The following STKLD1 variants were observed in gnomAD, a reference collection of about 807,000 sequenced individuals.
STKLD1 encodes the protein serine/threonine kinase like domain containing 1, also known as serine/threonine kinase-like domain-containing protein STKLD1.
Under a neutral mutation model 80.4 loss-of-function variants are expected in STKLD1, and 79 were observed. That is an observed-to-expected ratio of 0.98 (90% confidence interval 0.82 to 1.19). The LOEUF (loss-of-function observed/expected upper bound fraction) is 1.19. STKLD1 is among the 50% of genes most tolerant of loss of function. The pLI, the probability that STKLD1 is intolerant of heterozygous loss-of-function variation, is 0.00. For synonymous variants in STKLD1, 393 were observed against 357.6 expected (o/e 1.10, Z -1.12); for missense variants, 841 against 856.0 (o/e 0.98, Z 0.22).
chr9:133,376,850 G>T (rs1837976909), intron 1 of STKLD1, among the ~76,000 whole-genome samples: 1 of 152,132 alleles, frequency 6.6e-6, no homozygotes, highest in South Asian at 2.1e-4. Context: ...TGTGCGCTTG[G>T]GTCCACCGAG....
rs1261241866 is a variant in STKLD1 at position 133,390,287 on chromosome 9, T to C, written c.468-394T>C. On this transcript the variant is annotated intron_variant, in intron 6 of 17. Coordinates refer to ENST00000371957, the MANE Select transcript of STKLD1 (RefSeq NM_153710.5). The surrounding 1 kb of genome is among the most constrained non-coding windows in gnomAD (Gnocchi z 5.1). ...CATACGTACAAAGGGAATGCTCACA[T>C]TCCACATCCAGTGTTCATGTCACTA... Among the ~76,000 whole-genome samples, 1 of 148,074 alleles carries C rather than the reference T, an allele frequency of 6.8e-6. No individual in the cohort carries two copies. Among genetic ancestry groups the C allele is most frequent in the African/African-American group, 2.5e-5 (1 of 39,928 alleles).
chr9:133,400,236 C>T (rs923439089), intron 11 of STKLD1, among the ~76,000 whole-genome samples, 177 bp from the exon 12 acceptor site: 6 of 152,316 alleles, frequency 3.9e-5, no homozygotes, highest in Admixed American at 2.0e-4. Flanking sequence ...GCAGGACACC[C>T]GTGGCAGACA....
rs2130279984 is a variant in STKLD1, at chr9:133,387,559, T to C, written c.396+11T>C. 1 of 1,610,766 alleles carries C rather than the reference T, an allele frequency of 6.2e-7. No homozygotes were observed. The highest frequency in any genetic ancestry group is 2.2e-5 in the East Asian group (1 of 44,860). Reference sequence around the variant, plus strand: ...ATCATTGACTCTGAGGTGAGGTCCTTTGGGGCACCAGGCCTGGGGGCCACC... The same window carrying C: ...ATCATTGACTCTGAGGTGAGGTCCTCTGGGGCACCAGGCCTGGGGGCCACC... On this transcript the variant is annotated intron_variant, in intron 5 of 17. Coordinates refer to ENST00000371957, the MANE Select transcript of STKLD1 (RefSeq NM_153710.5).
chr9:133,385,643 C>T lies in STKLD1; in HGVS notation c.246C>T (p.His82=), dbSNP rs2130275046. The T allele has an allele frequency of 6.9e-5, 111 of 1,613,222 alleles. No homozygotes were observed. The highest frequency in any genetic ancestry group is 2.4e-4 in the African/African-American group (18 of 74,938). The change falls in exon 4 of 18, where the codon CAC becomes CAT. Residue 82 remains histidine (H), a synonymous_variant. Coordinates refer to ENST00000371957, the MANE Select transcript of STKLD1 (RefSeq NM_153710.5). The surrounding 1 kb of genome is among the most constrained non-coding windows in gnomAD (Gnocchi z 4.9). ...TGATGCCACTGCTGAAGCTGCGGCA[C>T]GCCCACATCTCTGTGTACCAGGAGC... The part of the protein sequence containing the change: ...EELMPLLKLR[H]AHISVYQELF...
At chr9:133,377,895 T>C (rs1340048554) in intron 1 of STKLD1, among the ~76,000 whole-genome samples, 1 of 152,206 alleles carries the variant, frequency 6.6e-6, no homozygotes, top group Non-Finnish European at 1.5e-5. Context: ...TTCTTGCAAC[T>C]AGACCATCCT....
At position 133,385,492 on chromosome 9, in the gene STKLD1, C is replaced by T; in HGVS notation, c.220-125C>T. ...AACCACCGTGCAGCTTCCCTGAGCC[C>T]ACTCCCTGGCCCAGCTCAGAGCCCG... On this transcript the variant is annotated intron_variant, in intron 3 of 17. Coordinates refer to ENST00000371957, the MANE Select transcript of STKLD1 (RefSeq NM_153710.5). The surrounding 1 kb of genome is among the most constrained non-coding windows in gnomAD (Gnocchi z 4.9). 1 of 921,462 alleles carries T rather than the reference C, an allele frequency of 1.1e-6. No individual in the cohort carries two copies. Among genetic ancestry groups the T allele is most frequent in the Non-Finnish European group, 1.7e-6 (1 of 592,746 alleles). 57.1% of individuals were successfully genotyped at this position (921,462 alleles called of 1,614,324 possible). A position where few individuals can be genotyped will look rare whatever the true frequency, so the allele number is the denominator to read the frequency against.
Position 133,390,777 on chromosome 9 carries a change from G to C in STKLD1, c.564G>C (p.Trp188Cys). 1 of 1,613,770 alleles carries C rather than the reference G, an allele frequency of 6.2e-7. No individual in the cohort carries two copies. The highest frequency in any genetic ancestry group is 8.5e-7 in the Non-Finnish European group (1 of 1,179,892). ...SNVLMTDKAKWNIRAEEDPFR... is the reference protein window; with the variant it reads ...SNVLMTDKAKCNIRAEEDPFR... ...TGCTAATGACAGACAAAGCCAAATG[G>C]AATATTCGTGCGGAGGAAGGTGGCA... Residue 188 changes from tryptophan (W) to cysteine (C), a missense_variant, in exon 7 of 18, where the codon TGG (tryptophan) becomes TGC (cysteine). Transcript: ENST00000371957. This position sits in a 1 kb window ranked among gnomAD's most constrained non-coding sequence, Gnocchi z 5.1.
chr9:133,405,230 G>T, intron 17 of STKLD1, 22 bp from the exon 18 acceptor site: 1 of 1,581,032 alleles, frequency 6.3e-7, no homozygotes, highest in African/African-American at 1.3e-5. Flanking sequence ...CTGGCCTCAG[G>T]ACCTTCCTGC....
Position 133,390,239 on chromosome 9 carries a change from ACACACACACACAC to A in STKLD1, c.468-438_468-426del, listed in dbSNP as rs1420235101. ...CACACACACACACACACACACACAC[ACACACACACACAC>A]CACGCAGACCATACGTACAAAGGGA... On this transcript the variant is annotated intron_variant, in intron 6 of 17. Transcript: ENST00000371957. This position sits in a 1 kb window ranked among gnomAD's most constrained non-coding sequence, Gnocchi z 5.1. 3.1e-4 allele frequency among the ~76,000 whole-genome samples: 42 copies of A among 136,492 alleles called. No homozygotes were observed. Among genetic ancestry groups the A allele is most frequent in the African/African-American group, 1.1e-3 (38 of 34,478 alleles). 89.5% of individuals were successfully genotyped at this position (136,492 alleles called of 152,430 possible). A position where few individuals can be genotyped will look rare whatever the true frequency, so the allele number is the denominator to read the frequency against.
chr9:133,379,455 C>T (rs1838082136), intron 2 of STKLD1, among the ~76,000 whole-genome samples: 1 of 152,264 alleles, frequency 6.6e-6, no homozygotes, highest in Admixed American at 6.5e-5. Flanking sequence ...GACAGTGAGG[C>T]TCAATGCAGC....
intron 1 of STKLD1, 137 bp downstream of exon 1, chr9:133,376,697 G>A: frequency 1.4e-6 from 1 of 699,880 alleles, no homozygotes; most frequent in Non-Finnish European, 2.3e-6. Flanking sequence ...CTCCTAGGTT[G>A]AACCCGGGGG....
chr9:133,402,979 G>T lies in STKLD1; in HGVS notation c.1441G>T (p.Gly481Cys). The T allele has an allele frequency of 6.3e-7, 1 of 1,576,822 alleles. No homozygotes were observed. Among genetic ancestry groups the T allele is most frequent in the Non-Finnish European group, 8.6e-7 (1 of 1,161,522 alleles). The change falls in exon 14 of 18, where the codon GGC becomes TGC. Residue 481 changes from glycine (G) to cysteine (C), a missense_variant. Physicochemically the swap from Gly to Cys is radical, Grantham distance 159 (BLOSUM62 -3). Coordinates refer to ENST00000371957, the MANE Select transcript of STKLD1 (RefSeq NM_153710.5). ...CGAAAGCAGGGACGTCTGCGCCAGCGGCCTGGGCCTGCTCTGGGCCCTCCT... is the reference window on the plus strand; with the variant it reads ...CGAAAGCAGGGACGTCTGCGCCAGCTGCCTGGGCCTGCTCTGGGCCCTCCT... ...SLESRDVCAS[G>C]LGLLWALLLD...
Position 133,403,592 on chromosome 9 carries a change from T to TTCTGCTGTTGTCGTTA in STKLD1, c.1475-107_1475-92dup, listed in dbSNP as rs1312215465. ...GGACAGTTGACCTTTCCCACCCCATTTCTGCTGTTGTCGTTAGCTGGAGGA... is the reference window on the plus strand; with the variant it reads ...GGACAGTTGACCTTTCCCACCCCATTTCTGCTGTTGTCGTTATCTGCTGTTGTCGTTAGCTGGAGGA... On this transcript the variant is annotated intron_variant, in intron 14 of 17. Coordinates refer to ENST00000371957, the MANE Select transcript of STKLD1 (RefSeq NM_153710.5). 1.3e-5 allele frequency: 18 copies of TTCTGCTGTTGTCGTTA among 1,404,894 alleles called. No homozygotes were observed. The East Asian group carries it at 3.6e-4, about 28-fold the overall frequency. 87.0% of individuals were successfully genotyped at this position (1,404,894 alleles called of 1,614,324 possible).
In STKLD1 at chr9:133,387,911, C is replaced by T. The variant is rs1472447863; in HGVS notation, c.396+363C>T. 2.3e-5 allele frequency: 11 copies of T among 470,376 alleles called. No homozygotes were observed. The Admixed American group carries it at 2.6e-4, about 11-fold the overall frequency. 29.1% of individuals were successfully genotyped at this position (470,376 alleles called of 1,614,324 possible). On this transcript the variant is annotated intron_variant, in intron 5 of 17. Transcript: ENST00000371957. ...CTTCCCTCAGCCTGCTGTTGTGAGC[C>T]CCGCGGTGCTGCTGCATGCACCAGC...
At chr9:133,383,332 A>ACGACAG (rs1187143592) in intron 2 of STKLD1, among the ~76,000 whole-genome samples, 1 of 1,822 alleles carries the variant, frequency 5.5e-4, no homozygotes, top group Non-Finnish European at 1.4e-3. Flanking sequence ...GATGGTGGTG[A>ACGACAG]TGGTGATGGT....
rs1838357964 is a variant in STKLD1 at position 133,390,243 on chromosome 9, ACACACACACCACG to A, written c.468-435_468-423del. ...CACACACACACACACACACACACAC[ACACACACACCACG>A]CAGACCATACGTACAAAGGGAATGC... On this transcript the variant is annotated intron_variant, in intron 6 of 17. Coordinates refer to ENST00000371957, the MANE Select transcript of STKLD1 (RefSeq NM_153710.5). This position sits in a 1 kb window ranked among gnomAD's most constrained non-coding sequence, Gnocchi z 5.1. 4.8e-5 allele frequency among the ~76,000 whole-genome samples: 5 copies of A among 104,956 alleles called. No homozygotes were observed. Among genetic ancestry groups the A allele is most frequent in the African/African-American group, 2.0e-4 (5 of 24,924 alleles). The allele number at this position is 104,956 out of a possible 152,430, so 68.9% of individuals were successfully genotyped here.
chr9:133,395,764 G>A lies in STKLD1; in HGVS notation c.866+1G>A. On this transcript the variant is annotated splice_donor_variant, in intron 9 of 17. Transcript: ENST00000371957. LOFTEE classifies it high-confidence loss of function. The stretch of plus-strand genomic sequence containing the variant: ...ACCCCTCGGATCGAATAACGATAAA[G>A]TGAGCTCAGGGTCGGGGTTTATTTT... 3 of 1,613,168 alleles carry A rather than the reference G, an allele frequency of 1.9e-6. No individual in the cohort carries two copies. The highest frequency in any genetic ancestry group is 2.5e-6 in the Non-Finnish European group (3 of 1,179,856).
chr9:133,378,716 T>A (rs1431060770), intron 1 of STKLD1, among the ~76,000 whole-genome samples: 1 of 152,242 alleles, frequency 6.6e-6, no homozygotes, highest in Non-Finnish European at 1.5e-5. Flanking sequence ...CAGAGGTCTA[T>A]AGAGAGTGAA....
chr9:133,391,199 C>T (rs1354137327), intron 7 of STKLD1, among the ~76,000 whole-genome samples: 6 of 149,304 alleles, frequency 4.0e-5, no homozygotes, highest in Admixed American at 6.6e-5. Context: ...GGGGCTCAGC[C>T]CCCCCGCCCA....
Sources: gnomAD v4.1 joint callset for allele counts (sites outside exome capture counted in the v4.1 genomes callset) on GRCh38, gnomAD v4.1.1 for gene constraint, Gnocchi (gnomAD v3.1) non-coding constraint, MANE v1.5 for transcripts, NCBI Gene and HGNC (gene_info 2026-07-23, HGNC 2026-07-21) for gene names.